Variants in TENM2 observed in about 807,000 individuals in gnomAD.
TENM2 encodes the protein teneurin-2.
In TENM2, 52 loss-of-function variants were observed where a neutral mutation model predicts 245.2. The observed-to-expected ratio is 0.21, with a 90% CI of 0.17 to 0.27. The LOEUF (loss-of-function observed/expected upper bound fraction) is 0.27. Among genes scored for constraint, TENM2 ranks in the 10% least tolerant of loss-of-function variants. The pLI, the probability that TENM2 is intolerant of heterozygous loss-of-function variation, is 1.00. For missense variants in TENM2, 3,046 were observed against 3,666.8 expected (o/e 0.83, Z 4.37); for synonymous variants, 1,363 against 1,438.9 (o/e 0.95, Z 1.19).
At chr5:168,007,625 G>T (rs1784925741) in intron 5 of TENM2, among the ~76,000 whole-genome samples, 1 of 152,150 alleles carries the variant, frequency 6.6e-6, no homozygotes, top group Non-Finnish European at 1.5e-5. Flanking sequence ...TTTGAGATGG[G>T]TTCTCTTTTC....
chr5:167,005,798 A>T, the TENM2 span, among the ~76,000 whole-genome samples: 1 of 150,440 alleles, frequency 6.6e-6, no homozygotes, highest in Non-Finnish European at 1.5e-5. Context: ...AGTAGCTGGG[A>T]TTACAGGTGT....
chr5:168,055,482 T>C (rs1358006752), intron 6 of TENM2, among the ~76,000 whole-genome samples: 1 of 152,192 alleles, frequency 6.6e-6, no homozygotes, highest in Non-Finnish European at 1.5e-5. Context: ...TCTCTGACCA[T>C]CGTATCTTAA....
chr5:167,672,277 A>G (rs559961135), intron 2 of TENM2, among the ~76,000 whole-genome samples: 1 of 152,098 alleles, frequency 6.6e-6, no homozygotes, highest in East Asian at 1.9e-4. Context: ...ATATGTATAT[A>G]TACACACACA....
At chr5:168,014,166 G>T (rs1562052351) in intron 5 of TENM2, among the ~76,000 whole-genome samples, 1 of 152,244 alleles carries the variant, frequency 6.6e-6, no homozygotes, top group East Asian at 1.9e-4. Flanking sequence ...CGTAATACAA[G>T]ATTTTTCTAA....
At chr5:167,150,582 C>G in the TENM2 span, among the ~76,000 whole-genome samples, 8 of 152,188 alleles carry the variant, frequency 5.3e-5, no homozygotes, top group African/African-American at 1.9e-4. Context: ...AGCAACTATT[C>G]TAAATGCTTT....
chr5:167,966,579 C>T (rs748803744), intron 4 of TENM2, among the ~76,000 whole-genome samples: 13 of 152,128 alleles, frequency 8.5e-5, no homozygotes, highest in African/African-American at 2.2e-4. Flanking sequence ...ATTTGGAAAT[C>T]GAGATTCAAG....
At chr5:167,908,959 G>A (rs1776331243) in intron 3 of TENM2, among the ~76,000 whole-genome samples, 2 of 151,824 alleles carry the variant, frequency 1.3e-5, no homozygotes, top group South Asian at 2.1e-4. Context: ...ATGGAAAGGG[G>A]TCATATATTT....
intron 3 of TENM2, among the ~76,000 whole-genome samples, chr5:167,887,394 G>A (rs997927840): frequency 3.3e-5 from 5 of 152,194 alleles, no homozygotes; most frequent in Non-Finnish European, 5.9e-5. Context: ...GTTAGAGTGG[G>A]GCAACAAAAA....
At chr5:167,754,758 G>A (rs957315555) in intron 2 of TENM2, among the ~76,000 whole-genome samples, 4 of 146,294 alleles carry the variant, frequency 2.7e-5, no homozygotes, top group Admixed American at 6.9e-5. Context: ...GTCAAACAAC[G>A]TTAACCCAGA....
intron 3 of TENM2, chr5:167,934,992 T>A: frequency 1.2e-6 from 1 of 858,030 alleles, no homozygotes; most frequent in Non-Finnish European, 1.4e-6. Flanking sequence ...AAGAAAACAG[T>A]AGGTGTCATT....
intron 2 of TENM2, among the ~76,000 whole-genome samples, chr5:167,526,924 C>T (rs564607697): frequency 6.6e-5 from 10 of 152,110 alleles, no homozygotes; most frequent in African/African-American, 1.4e-4. Context: ...TTTCTGAGGG[C>T]GTATGCTGTA....
At chr5:167,556,317 C>T (rs1773255483) in intron 2 of TENM2, among the ~76,000 whole-genome samples, 1 of 151,768 alleles carries the variant, frequency 6.6e-6, no homozygotes, top group Admixed American at 6.6e-5. Flanking sequence ...TCAATGGTAG[C>T]CTGGATTCTA....
chr5:167,967,974 T>G (rs1781502073), intron 4 of TENM2, among the ~76,000 whole-genome samples: 1 of 152,196 alleles, frequency 6.6e-6, no homozygotes, highest in Non-Finnish European at 1.5e-5. Context: ...AGAAGCCAGA[T>G]AAGGCATCCG....
At chr5:167,360,769 A>G (rs2127264451) in intron 1 of TENM2, among the ~76,000 whole-genome samples, 1 of 152,316 alleles carries the variant, frequency 6.6e-6, no homozygotes, top group South Asian at 2.1e-4. Context: ...TTATGAGGAT[A>G]GGTATTATTA....
chr5:168,256,180 A>T (rs1054797061), intron 27 of TENM2, among the ~76,000 whole-genome samples: 1 of 150,998 alleles, frequency 6.6e-6, no homozygotes, highest in Admixed American at 6.6e-5. Flanking sequence ...ATAATAATAC[A>T]AGTGATACCT....
At chr5:167,778,308 G>A (rs557896396) in intron 2 of TENM2, among the ~76,000 whole-genome samples, 1 of 152,272 alleles carries the variant, frequency 6.6e-6, no homozygotes, top group African/African-American at 2.4e-5. Context: ...AGAAGAAAAA[G>A]TTTGGCCAAG....
At chr5:167,552,206 AG>A (rs1178870132) in intron 2 of TENM2, among the ~76,000 whole-genome samples, 2 of 152,206 alleles carry the variant, frequency 1.3e-5, no homozygotes, top group African/African-American at 4.8e-5. Context: ...AGCCTGAAAT[AG>A]CTGTGTTATT....
intron 3 of TENM2, among the ~76,000 whole-genome samples, chr5:167,899,701 G>C (rs1164733220): frequency 6.6e-6 from 1 of 152,134 alleles, no homozygotes; most frequent in African/African-American, 2.4e-5. Context: ...AAACCAGTAG[G>C]TGCCGGAAAT....
intron 2 of TENM2, among the ~76,000 whole-genome samples, chr5:167,861,894 AAGAG>A (rs1328751321): frequency 6.6e-6 from 1 of 152,232 alleles, no homozygotes; most frequent in Non-Finnish European, 1.5e-5. Flanking sequence ...TTGGATTAAA[AAGAG>A]AGAGCAAGGG....
Sources: allele counts gnomAD v4.1 joint callset (sites outside exome capture counted in the v4.1 genomes callset), GRCh38; gene constraint gnomAD v4.1.1; transcripts MANE v1.5; gene names NCBI Gene and HGNC (gene_info 2026-07-23, HGNC 2026-07-21).